TPRG1: variants seen among roughly 807,000 people sequenced by gnomAD.
TPRG1 encodes the protein tumor protein p63 regulated 1, also known as tumor protein p63-regulated gene 1 protein.
Under a neutral mutation model 29.3 loss-of-function variants are expected in TPRG1, and 29 were observed. The observed-to-expected ratio is 0.99, with a 90% confidence interval of 0.74 to 1.35. TPRG1 has a LOEUF of 1.35. Among genes scored for constraint, TPRG1 ranks in the 40% most tolerant of loss-of-function variants. The probability of loss-of-function intolerance (pLI) is 0.00; values close to 1 mark genes in which losing one functional copy is unlikely to be tolerated. For missense variants in TPRG1, 327 were observed against 335.0 expected (o/e 0.98, Z 0.19); for synonymous variants, 130 against 116.8 (o/e 1.11, Z -0.73).
At chr3:189,031,883 T>TA (rs1281994489) in intron 4 of TPRG1, among the ~76,000 whole-genome samples, 1 of 152,050 alleles carries the variant, frequency 6.6e-6, no homozygotes, top group Admixed American at 6.5e-5. Flanking sequence ...ATTAGAATAA[T>TA]AAAAATAAAT....
intron 4 of TPRG1, among the ~76,000 whole-genome samples, chr3:189,273,343 A>G (rs1162522565): frequency 6.6e-6 from 1 of 152,178 alleles, no homozygotes; most frequent in African/African-American, 2.4e-5. Flanking sequence ...TTAAACATGG[A>G]AAACTGTGGC....
chr3:189,165,967 G>A (rs1728116987), intron 5 of TPRG1, among the ~76,000 whole-genome samples: 1 of 152,146 alleles, frequency 6.6e-6, no homozygotes, highest in Non-Finnish European at 1.5e-5. Flanking sequence ...GGTGATTTGG[G>A]CTCTCTGGAA....
intron 5 of TPRG1, among the ~76,000 whole-genome samples, chr3:189,319,887 C>G (rs1027639873): frequency 1.2e-4 from 19 of 152,140 alleles, no homozygotes; most frequent in Admixed American, 3.9e-4. Flanking sequence ...ATTCATGCCT[C>G]CCTTACAGCT....
intron 4 of TPRG1, among the ~76,000 whole-genome samples, chr3:189,069,561 A>C (rs1163405719): frequency 6.6e-6 from 1 of 152,226 alleles, no homozygotes; most frequent in Non-Finnish European, 1.5e-5. Context: ...ATCTAAAGGT[A>C]TAATGATCTA....
chr3:189,012,058 T>G (rs980176681), intron 3 of TPRG1, among the ~76,000 whole-genome samples: 2 of 152,168 alleles, frequency 1.3e-5, no homozygotes, highest in Non-Finnish European at 2.9e-5. Flanking sequence ...TTTCTAGAGG[T>G]AGGATCATGT....
chr3:189,050,669 T>A (rs534451858), intron 4 of TPRG1, among the ~76,000 whole-genome samples: 1 of 152,282 alleles, frequency 6.6e-6, no homozygotes, highest in Non-Finnish European at 1.5e-5. Flanking sequence ...TGAACATAGA[T>A]GCTAAAACCC....
In TPRG1 at chr3:189,259,928, C is replaced by CTT. The variant is rs1382647694; in HGVS notation, c.479+21020_479+21021dup. 2.0e-5 allele frequency among the ~76,000 whole-genome samples: 3 copies of CTT among 152,156 alleles called. No individual in the cohort carries two copies. The East Asian group carries it at 5.8e-4, about 29-fold the overall frequency. ...CTCTGCCTTTGTCATGTGCCTAATT[C>CTT]TTACTTGTTCTCAAATGCATTGTAA... On this transcript the variant is annotated intron_variant, in intron 4 of 5. Coordinates refer to ENST00000345063, the MANE Select transcript of TPRG1 (RefSeq NM_198485.4).
intron 4 of TPRG1, among the ~76,000 whole-genome samples, chr3:189,278,727 C>T (rs529721603): frequency 6.6e-5 from 10 of 152,304 alleles, no homozygotes; most frequent in African/African-American, 2.4e-4. Flanking sequence ...AACTTTGTCT[C>T]TCACATTCAA....
intron 4 of TPRG1, among the ~76,000 whole-genome samples, chr3:189,043,113 A>G (rs1168614415): frequency 6.6e-6 from 1 of 152,232 alleles, no homozygotes; most frequent in Non-Finnish European, 1.5e-5. Context: ...ACAAGGTCAC[A>G]ATTAAATGGG....
At chr3:189,292,787 T>A (rs946409091) in intron 4 of TPRG1, among the ~76,000 whole-genome samples, 26 of 152,330 alleles carry the variant, frequency 1.7e-4, no homozygotes, top group African/African-American at 6.3e-4. Flanking sequence ...AGTGACTGGC[T>A]CTTACAAGAT....
intron 4 of TPRG1, among the ~76,000 whole-genome samples, chr3:189,244,077 CTG>C (rs879745152): frequency 6.6e-5 from 10 of 152,064 alleles, no homozygotes; most frequent in Admixed American, 6.6e-4. Flanking sequence ...TACCAATTTT[CTG>C]TATTATTCTG....
rs11391897 is a variant in TPRG1 at position 189,321,146 on chromosome 3, C to CTTTTTTT, written c.*340_*346dup. 8.8e-6 allele frequency: 1 copy of CTTTTTTT among 113,970 alleles called. No individual in the cohort carries two copies. Among genetic ancestry groups the CTTTTTTT allele is most frequent in the African/African-American group, 3.3e-5 (1 of 30,116 alleles). The allele number at this position is 113,970 out of a possible 1,614,324, so 7.1% of individuals were successfully genotyped here. A position where few individuals can be genotyped will look rare whatever the true frequency, so the allele number is the denominator to read the frequency against. The stretch of plus-strand genomic sequence containing the variant: ...GTTGCTTCAGCTCTCTAAATGTAGG[C>CTTTTTTT]TTTTTTTTTTTTTTTTTTTTAGGTC... On this transcript the variant is annotated 3_prime_UTR_variant, in exon 6 of 6. Transcript: ENST00000345063.
At chr3:189,300,755 A>G (rs1160437261) in intron 4 of TPRG1, among the ~76,000 whole-genome samples, 1 of 152,142 alleles carries the variant, frequency 6.6e-6, no homozygotes, top group Non-Finnish European at 1.5e-5. Context: ...GGGAGTAGGC[A>G]ACTTCTGCCA....
chr3:189,277,241 C>T (rs1304518050), intron 4 of TPRG1, among the ~76,000 whole-genome samples: 5 of 152,132 alleles, frequency 3.3e-5, no homozygotes, highest in Admixed American at 6.5e-5. Flanking sequence ...GGGGTAAGTC[C>T]GTATGCTGCA....
intron 3 of TPRG1, among the ~76,000 whole-genome samples, chr3:189,019,531 C>T (rs1366880240): frequency 1.3e-5 from 2 of 152,214 alleles, no homozygotes; most frequent in African/African-American, 4.8e-5. Flanking sequence ...TGCTGGATTA[C>T]ATTTACTGAT....
intron 1 of TPRG1, among the ~76,000 whole-genome samples, chr3:189,201,326 G>A (rs565731645): frequency 6.6e-6 from 1 of 152,182 alleles, no homozygotes; most frequent in Non-Finnish European, 1.5e-5. Context: ...AAGCTTTGTG[G>A]ATATTATAGA....
chr3:189,179,302 C>G (rs990975648), intron 1 of TPRG1, among the ~76,000 whole-genome samples: 4 of 152,166 alleles, frequency 2.6e-5, no homozygotes, highest in South Asian at 2.1e-4. Context: ...TTATTTTGAT[C>G]CAGAATGGAA....
rs573595321 is a variant in TPRG1, at chr3:189,051,699, A to G, written c.-463+27753A>G. ...ACACTACCTGATTTCAAACTATACT[A>G]TAAGACCATAGTCACCAAAACAGCA... On this transcript the variant is annotated intron_variant, in intron 4 of 10. Coordinates refer to the TPRG1 transcript ENST00000433971. Among the ~76,000 whole-genome samples, 102 of 152,332 alleles carry G rather than the reference A, an allele frequency of 6.7e-4. 1 individual carries two copies. Among genetic ancestry groups the G allele is most frequent in the African/African-American group, 2.4e-3 (98 of 41,586 alleles).
At chr3:189,270,020 T>TTCA (rs2109078187) in intron 4 of TPRG1, among the ~76,000 whole-genome samples, 1 of 16,684 alleles carries the variant, frequency 6.0e-5, no homozygotes, top group East Asian at 1.2e-3. Context: ...TCTCTGGATC[T>TTCA]TCTTCTTCTT....
Sources: allele counts gnomAD v4.1 joint callset (sites outside exome capture counted in the v4.1 genomes callset), GRCh38; gene constraint gnomAD v4.1.1; transcripts MANE v1.5; gene names NCBI Gene and HGNC (gene_info 2026-07-23, HGNC 2026-07-21).